The following THSD4 variants were observed in gnomAD, a reference collection of about 807,000 sequenced individuals.
THSD4 encodes the protein thrombospondin type 1 domain containing 4.
THSD4 carries 69 observed loss-of-function variants against 119.0 expected under a neutral mutation model. The ratio of observed to expected loss-of-function variants is 0.58; its 90% CI spans 0.48 to 0.71. The LOEUF is 0.71. Among genes scored for constraint, THSD4 ranks in the 30% least tolerant of loss-of-function variants. The pLI is 0.00. For synonymous variants in THSD4, 524 were observed against 540.4 expected (o/e 0.97, Z 0.42); for missense variants, 1,393 against 1,391.1 (o/e 1.00, Z -0.02).
chr15:71,633,546 A>T (rs1424465843), intron 7 of THSD4, among the ~76,000 whole-genome samples: 2 of 152,116 alleles, frequency 1.3e-5, no homozygotes, highest in Non-Finnish European at 2.9e-5. Flanking sequence ...AAGCGTTGGG[A>T]CTACAGGCAT....
intron 7 of THSD4, among the ~76,000 whole-genome samples, chr15:71,549,420 C>T (rs2048892817): frequency 6.6e-6 from 1 of 151,938 alleles, no homozygotes; most frequent in African/African-American, 2.4e-5. Context: ...CGCCTGAGCT[C>T]CTAGGAAATT....
intron 8 of THSD4, among the ~76,000 whole-genome samples, chr15:71,669,857 C>G (rs1379269552): frequency 6.6e-6 from 1 of 152,184 alleles, no homozygotes; most frequent in Non-Finnish European, 1.5e-5. Context: ...ATCATCCTCT[C>G]TTAGAGGCAT....
intron 10 of THSD4, among the ~76,000 whole-genome samples, chr15:71,735,882 GTCTCTCTGTC>G (rs1273230699): frequency 2.2e-4 from 24 of 110,016 alleles, no homozygotes; most frequent in Admixed American, 1.7e-3. Context: ...TTCTGTCTCT[GTCTCTCTGTC>G]TCTCTCTGTC....
intron 7 of THSD4, among the ~76,000 whole-genome samples, chr15:71,551,367 A>C (rs2048925810): frequency 6.6e-6 from 1 of 152,170 alleles, no homozygotes; most frequent in Non-Finnish European, 1.5e-5. Context: ...ATGATCATGC[A>C]ATAAGGGTCT....
chr15:71,215,089 GC>G lies in THSD4; in HGVS notation c.158del (p.Pro53ArgfsTer21). The G allele has an allele frequency of 1.5e-6, 2 of 1,306,614 alleles. No homozygotes were observed. Among genetic ancestry groups the G allele is most frequent in the Non-Finnish European group, 1.9e-6 (2 of 1,027,224 alleles). 80.9% of individuals were successfully genotyped at this position (1,306,614 alleles called of 1,614,324 possible). ...GAPEDDGGGG[A>X]PGVWGAWGPW... ...CCCCGAGGACGACGGCGGCGGCGGC[GC>G]CCCGGGAGTGTGGGGCGCCTGGGGC... On this transcript the variant is annotated frameshift_variant, in exon 4 of 18. Transcript: ENST00000261862. LOFTEE classifies it high-confidence loss of function.
chr15:71,202,546 T>G (rs1200854064), intron 3 of THSD4, among the ~76,000 whole-genome samples: 1 of 152,232 alleles, frequency 6.6e-6, no homozygotes, highest in Non-Finnish European at 1.5e-5. Flanking sequence ...GCTACTGTTT[T>G]ATTTAAACAT....
At chr15:71,342,071 A>G (rs911669622) in intron 6 of THSD4, among the ~76,000 whole-genome samples, 3 of 152,148 alleles carry the variant, frequency 2.0e-5, no homozygotes, top group Admixed American at 6.5e-5. Flanking sequence ...GAATAAGTGG[A>G]TTGATGGGTG....
chr15:71,491,822 T>C (rs966077517), intron 7 of THSD4, among the ~76,000 whole-genome samples: 1 of 152,138 alleles, frequency 6.6e-6, no homozygotes, highest in Non-Finnish European at 1.5e-5. Context: ...TGAGCTGTGA[T>C]TGTGCCACTG....
intron 7 of THSD4, among the ~76,000 whole-genome samples, chr15:71,494,763 G>C (rs1347005667): frequency 6.6e-6 from 1 of 152,232 alleles, no homozygotes; most frequent in Non-Finnish European, 1.5e-5. Flanking sequence ...GCCAGTGCTA[G>C]TGAAATTTCA....
At chr15:71,720,654 C>T (rs1254132713) in intron 8 of THSD4, among the ~76,000 whole-genome samples, 1 of 152,158 alleles carries the variant, frequency 6.6e-6, no homozygotes, top group Non-Finnish European at 1.5e-5. Context: ...TTCAGGGTAT[C>T]CACATTAGCT....
chr15:71,573,165 G>A (rs2049390559), intron 7 of THSD4, among the ~76,000 whole-genome samples: 1 of 152,136 alleles, frequency 6.6e-6, no homozygotes, highest in Admixed American at 6.6e-5. Context: ...TGAGGAATCC[G>A]AGCCTCCTAG....
At chr15:71,626,432 T>C (rs1244887707) in intron 7 of THSD4, among the ~76,000 whole-genome samples, 1 of 152,180 alleles carries the variant, frequency 6.6e-6, no homozygotes, top group African/African-American at 2.4e-5. Context: ...CTTTTGAGAG[T>C]GGTGGTTTCT....
intron 6 of THSD4, among the ~76,000 whole-genome samples, chr15:71,408,567 G>A (rs2046639098): frequency 6.6e-6 from 1 of 152,108 alleles, no homozygotes; most frequent in African/African-American, 2.4e-5. Flanking sequence ...TAAAGGAGGT[G>A]GGGGCTGGGG....
chr15:71,165,243 T>C, intron 3 of THSD4: 1 of 1,561,430 alleles, frequency 6.4e-7, no homozygotes. Flanking sequence ...TCTTGAAATT[T>C]TCCTTTGTCT....
chr15:71,412,992 CTTTTA>C (rs775165819), intron 7 of THSD4, among the ~76,000 whole-genome samples: 2 of 151,994 alleles, frequency 1.3e-5, no homozygotes, highest in Non-Finnish European at 2.9e-5. Flanking sequence ...CAGTGCTACT[CTTTTA>C]TTTTATTTTA....
chr15:71,312,301 C>G (rs942613902), intron 6 of THSD4, among the ~76,000 whole-genome samples: 1 of 151,928 alleles, frequency 6.6e-6, no homozygotes, highest in African/African-American at 2.4e-5. Context: ...GCACTCCAGT[C>G]TGGGTGACAG....
chr15:71,347,300 C>T (rs1183185619), intron 6 of THSD4, among the ~76,000 whole-genome samples: 2 of 152,078 alleles, frequency 1.3e-5, no homozygotes, highest in Non-Finnish European at 2.9e-5. Flanking sequence ...TTCACATCAC[C>T]ACTGTCCCCC....
At chr15:71,123,953 C>CATTGCACAGTGGGCTCACTCAT (rs2040431524) in intron 1 of THSD4, among the ~76,000 whole-genome samples, 3 of 152,318 alleles carry the variant, frequency 2.0e-5, no homozygotes, top group Admixed American at 2.0e-4. Context: ...CTCTCTCTCA[C>CATTGCACAGTGGGCTCACTCAT]ATTGCACAGT....
Position 71,783,299 on chromosome 15 carries a change from T to C in THSD4, c.*5925T>C, listed in dbSNP as rs1053229645. On this transcript the variant is annotated 3_prime_UTR_variant, in exon 18 of 18. Coordinates refer to ENST00000261862, the MANE Select transcript of THSD4 (RefSeq NM_024817.3). ...ATCTGCTTTGTTGACAAGCGTGTGC[T>C]TTCTCTGGCCTTATTCGCGTTCTGT... 2.6e-5 allele frequency: 4 copies of C among 152,250 alleles called. No individual in the cohort carries two copies. Among genetic ancestry groups the C allele is most frequent in the African/African-American group, 9.6e-5 (4 of 41,466 alleles). 9.4% of individuals were successfully genotyped at this position (152,250 alleles called of 1,614,324 possible).
Sources: gnomAD v4.1 joint callset for allele counts (sites outside exome capture counted in the v4.1 genomes callset) on GRCh38, gnomAD v4.1.1 for gene constraint, MANE v1.5 for transcripts, NCBI Gene and HGNC (gene_info 2026-07-23, HGNC 2026-07-21) for gene names.